RNF216: variants seen among roughly 807,000 people sequenced by gnomAD.
RNF216 encodes the protein ring finger protein 216.
In RNF216, 72 loss-of-function variants were observed where a neutral mutation model predicts 110.8. The ratio of observed to expected loss-of-function variants is 0.65; its 90% CI spans 0.54 to 0.79. The LOEUF (loss-of-function observed/expected upper bound fraction) is 0.79. RNF216 is among the 30% of genes least tolerant of loss of function. The probability of loss-of-function intolerance (pLI) is 0.00; values close to 1 mark genes in which losing one functional copy is unlikely to be tolerated. For synonymous variants in RNF216, 495 were observed against 407.5 expected (o/e 1.21, Z -2.59); for missense variants, 1,342 against 1,141.2 (o/e 1.18, Z -2.54).
At chr7:5,752,540 A>T (rs1795385741) in intron 3 of RNF216, among the ~76,000 whole-genome samples, 2 of 152,212 alleles carry the variant, frequency 1.3e-5, no homozygotes, top group Non-Finnish European at 2.9e-5. Flanking sequence ...TTCTGAAAAA[A>T]TGTGGGATAA....
At chr7:5,746,604 G>T (rs770920276) in intron 3 of RNF216, among the ~76,000 whole-genome samples, 36 of 152,100 alleles carry the variant, frequency 2.4e-4, no homozygotes, top group Admixed American at 5.9e-4. Context: ...CAAAGTGATT[G>T]GCTAGGTAGG....
At chr7:5,637,151 G>A (rs1003068078) in intron 15 of RNF216, among the ~76,000 whole-genome samples, 1 of 152,158 alleles carries the variant, frequency 6.6e-6, no homozygotes, top group African/African-American at 2.4e-5. Context: ...CTCCCACTGT[G>A]CTAGCTGCCA....
At chr7:5,644,324 A>T (rs1264674751) in intron 14 of RNF216, among the ~76,000 whole-genome samples, 1 of 152,014 alleles carries the variant, frequency 6.6e-6, no homozygotes, top group East Asian at 1.9e-4. Flanking sequence ...CATTTTTTCT[A>T]TATCTCTGTC....
At chr7:5,728,674 CAGGTA>C (rs1295431640) in intron 7 of RNF216, among the ~76,000 whole-genome samples, 1 of 152,198 alleles carries the variant, frequency 6.6e-6, no homozygotes, top group African/African-American at 2.4e-5. Context: ...TCCCTTCCTA[CAGGTA>C]AGACCCAATG....
At chr7:5,720,076 G>A (rs1408360412) in intron 9 of RNF216, among the ~76,000 whole-genome samples, 2 of 152,232 alleles carry the variant, frequency 1.3e-5, no homozygotes, top group Non-Finnish European at 2.9e-5. Flanking sequence ...CAATGATTGT[G>A]ACGATGGCTC....
chr7:5,709,743 G>C (rs941947543), intron 13 of RNF216, among the ~76,000 whole-genome samples: 1 of 45,034 alleles, frequency 2.2e-5, no homozygotes, highest in African/African-American at 3.7e-5. Flanking sequence ...TGTGCCCTCA[G>C]GCTTTTATTT....
intron 13 of RNF216, among the ~76,000 whole-genome samples, chr7:5,683,260 A>AC (rs1189524741): frequency 1.3e-5 from 2 of 152,086 alleles, no homozygotes; most frequent in African/African-American, 4.8e-5. Context: ...TTGTTTATTC[A>AC]TTAAAAAAAA....
chr7:5,739,157 T>C (rs1376287097), intron 5 of RNF216, 119 bp downstream of exon 5: 5 of 1,205,508 alleles, frequency 4.1e-6, no homozygotes, highest in Admixed American at 3.6e-5. Context: ...CATAATAATG[T>C]GAATTTACTT....
At chr7:5,654,320 G>C (rs867164256) in intron 13 of RNF216, among the ~76,000 whole-genome samples, 3 of 152,020 alleles carry the variant, frequency 2.0e-5, no homozygotes, top group Non-Finnish European at 4.4e-5. Context: ...ATTTAAAAAG[G>C]GAGAAAAATG....
At chr7:5,623,597 CCT>C (rs968738932) in intron 16 of RNF216, among the ~76,000 whole-genome samples, 1 of 151,928 alleles carries the variant, frequency 6.6e-6, no homozygotes, top group African/African-American at 2.4e-5. Context: ...CTGCACTTAG[CCT>C]CTTTTTTTTA....
intron 13 of RNF216, among the ~76,000 whole-genome samples, chr7:5,660,688 C>T (rs1789059730): frequency 6.6e-6 from 1 of 152,042 alleles, no homozygotes; most frequent in South Asian, 2.1e-4. Flanking sequence ...AGCGATCCTC[C>T]CACCTCAGCC....
rs183941967 is a variant in RNF216 at position 5,735,122 on chromosome 7, G to T, written c.1121+4154C>A. On this transcript the variant is annotated intron_variant, in intron 5 of 16. Coordinates refer to ENST00000389902, the MANE Select transcript of RNF216 (RefSeq NM_207111.4). The stretch of plus-strand genomic sequence containing the variant: ...GATCACGCCACTGCACTCCAGCCTG[G>T]GCAAGAGAGTGAGACTTCGTCTCAA... Among the ~76,000 whole-genome samples the T allele has an allele frequency of 6.3e-3, 955 of 152,130 alleles. 2 individuals carry two copies. Among genetic ancestry groups the T allele is most frequent in the Middle Eastern group, 0.02 (6 of 294 alleles).
At chr7:5,648,387 G>A (rs1403723700) in intron 14 of RNF216, among the ~76,000 whole-genome samples, 2 of 151,476 alleles carry the variant, frequency 1.3e-5, no homozygotes, top group South Asian at 2.1e-4. Flanking sequence ...GGTTACAGGC[G>A]TGAGCCACTG....
chr7:5,754,752 G>A (rs956278606), intron 2 of RNF216, among the ~76,000 whole-genome samples: 4 of 152,144 alleles, frequency 2.6e-5, no homozygotes, highest in African/African-American at 9.7e-5. Context: ...TTTAGGCTGG[G>A]CACGGTGGCT....
At chr7:5,637,004 A>T (rs1276575368) in intron 15 of RNF216, among the ~76,000 whole-genome samples, 1 of 152,216 alleles carries the variant, frequency 6.6e-6, no homozygotes, top group Non-Finnish European at 1.5e-5. Context: ...CCAGACTGTT[A>T]ACACCCACCC....
At chr7:5,659,946 T>A (rs1160933856) in intron 13 of RNF216, among the ~76,000 whole-genome samples, 1 of 134,576 alleles carries the variant, frequency 7.4e-6, no homozygotes, top group Non-Finnish European at 1.5e-5. Context: ...TTAATTACAT[T>A]CATTAATTTT....
intron 13 of RNF216, among the ~76,000 whole-genome samples, chr7:5,674,462 T>G (rs1429534211): frequency 6.9e-6 from 1 of 145,838 alleles, no homozygotes; most frequent in Non-Finnish European, 1.5e-5. Flanking sequence ...CAGCCCTACA[T>G]CTCTTAAAAA....
intron 15 of RNF216, among the ~76,000 whole-genome samples, chr7:5,639,782 C>T (rs373625414): frequency 5.9e-4 from 87 of 147,768 alleles, no homozygotes; most frequent in African/African-American, 1.8e-3. Context: ...TTTTTTGAGA[C>T]GGAGTCTCGC....
At chr7:5,728,378 C>T (rs1030368502) in intron 7 of RNF216, among the ~76,000 whole-genome samples, 8 of 152,052 alleles carry the variant, frequency 5.3e-5, no homozygotes, top group African/African-American at 1.9e-4. Context: ...TCAGGAGTTG[C>T]TGACCAGCTT....
Sources: allele counts gnomAD v4.1 joint callset (sites outside exome capture counted in the v4.1 genomes callset), GRCh38; gene constraint gnomAD v4.1.1; transcripts MANE v1.5; gene names NCBI Gene and HGNC (gene_info 2026-07-23, HGNC 2026-07-21).